Variants in CDH18 observed in about 807,000 individuals in gnomAD.
CDH18 encodes the protein cadherin-18.
CDH18 carries 31 observed loss-of-function variants against 67.9 expected under a neutral mutation model. That is an observed-to-expected ratio of 0.46 (90% confidence interval 0.34 to 0.62). The LOEUF (loss-of-function observed/expected upper bound fraction) is 0.62. CDH18 is among the 20% of genes least tolerant of loss of function. The pLI, the probability that CDH18 is intolerant of heterozygous loss-of-function variation, is 0.01. For missense variants in CDH18, 890 were observed against 975.5 expected (o/e 0.91, Z 1.17); for synonymous variants, 362 against 347.2 (o/e 1.04, Z -0.48).
intron 9 of CDH18, among the ~76,000 whole-genome samples, chr5:19,538,511 A>G (rs1488335912): frequency 6.6e-6 from 1 of 152,128 alleles, no homozygotes; most frequent in African/African-American, 2.4e-5. Flanking sequence ...CGCACTCATA[A>G]TGTCATCTTT....
At chr5:20,121,140 C>T (rs541351882) in intron 2 of CDH18, among the ~76,000 whole-genome samples, 1 of 152,116 alleles carries the variant, frequency 6.6e-6, no homozygotes, top group Non-Finnish European at 1.5e-5. Context: ...GTGCAAAGCG[C>T]ACAGTGTATA....
At chr5:19,879,279 A>T (rs1787362985) in intron 2 of CDH18, among the ~76,000 whole-genome samples, 1 of 151,988 alleles carries the variant, frequency 6.6e-6, no homozygotes. Context: ...AAGGTAAATA[A>T]CAAGACTTGT....
chr5:19,761,850 G>T (rs1377908930), intron 3 of CDH18, among the ~76,000 whole-genome samples: 1 of 152,052 alleles, frequency 6.6e-6, no homozygotes, highest in Non-Finnish European at 1.5e-5. Flanking sequence ...TATACTACAA[G>T]GCTACAGTAA....
intron 2 of CDH18, among the ~76,000 whole-genome samples, chr5:20,198,995 A>G (rs1404811278): frequency 6.6e-6 from 1 of 152,248 alleles, no homozygotes; most frequent in Non-Finnish European, 1.5e-5. Context: ...AGGATGCAGG[A>G]AAACACCTGG....
Position 20,449,005 on chromosome 5 carries a change from A to G in CDH18, c.-580+126457T>C, listed in dbSNP as rs542553755. ...TCCTGTTGCATGAATATATATATAT[A>G]TATATCCGATACAGAAAGAAATCAT... On this transcript the variant is annotated intron_variant, in intron 1 of 14. Transcript: ENST00000507958. Among the ~76,000 whole-genome samples the G allele has an allele frequency of 1.4e-4, 22 of 152,090 alleles. No individual in the cohort carries two copies. The East Asian group carries it at 4.1e-3, about 28-fold the overall frequency.
At chr5:20,571,389 T>C (rs536378893) in intron 1 of CDH18, among the ~76,000 whole-genome samples, 1 of 152,218 alleles carries the variant, frequency 6.6e-6, no homozygotes, top group South Asian at 2.1e-4. Flanking sequence ...GACAGTAAAG[T>C]CCTTAACATA....
At chr5:19,488,361 T>C (rs1740740211) in intron 11 of CDH18, among the ~76,000 whole-genome samples, 1 of 152,210 alleles carries the variant, frequency 6.6e-6, no homozygotes, top group Non-Finnish European at 1.5e-5. Flanking sequence ...AAAGATATAT[T>C]TTATTTCAAG....
chr5:20,122,540 T>C (rs1046824603), intron 2 of CDH18, among the ~76,000 whole-genome samples: 1 of 152,138 alleles, frequency 6.6e-6, no homozygotes, highest in African/African-American at 2.4e-5. Flanking sequence ...TTGATAACTA[T>C]AGTATCTTGA....
intron 12 of CDH18, among the ~76,000 whole-genome samples, chr5:19,482,468 C>T (rs1739616141): frequency 6.6e-6 from 1 of 151,990 alleles, no homozygotes; most frequent in African/African-American, 2.4e-5. Context: ...ATTTAATATC[C>T]CTCTAAGACC....
intron 1 of CDH18, among the ~76,000 whole-genome samples, chr5:20,474,670 A>G (rs986732259): frequency 7.9e-5 from 12 of 152,258 alleles, no homozygotes; most frequent in Admixed American, 2.0e-4. Flanking sequence ...TTAATTCACA[A>G]GATGAGAAAG....
intron 1 of CDH18, among the ~76,000 whole-genome samples, chr5:20,489,063 C>A (rs1753411918): frequency 6.6e-6 from 1 of 151,974 alleles, no homozygotes; most frequent in African/African-American, 2.4e-5. Context: ...ATCAACATAA[C>A]CCTCAAAAAT....
At chr5:19,569,566 T>A (rs1741006778) in intron 8 of CDH18, among the ~76,000 whole-genome samples, 1 of 152,146 alleles carries the variant, frequency 6.6e-6, no homozygotes, top group Non-Finnish European at 1.5e-5. Flanking sequence ...TGTGTGTATG[T>A]GTGTCTATGT....
rs370097260 is a variant in CDH18 at position 20,224,507 on chromosome 5, G to A, written c.-518+30937C>T. Among the ~76,000 whole-genome samples, 89 of 136,944 alleles carry A rather than the reference G, an allele frequency of 6.5e-4. No individual in the cohort carries two copies. The South Asian group carries it at 0.019, about 29-fold the overall frequency. 89.8% of individuals were successfully genotyped at this position (136,944 alleles called of 152,430 possible). On this transcript the variant is annotated intron_variant, in intron 2 of 14. Transcript: ENST00000507958. ...ATGAGACAGCTTGGATTTTCGCCAG[G>A]CAAAATCCTTAGGTTTTTTTTTTCT...
At chr5:19,961,166 G>C (rs1174383252) in intron 2 of CDH18, among the ~76,000 whole-genome samples, 2 of 146,722 alleles carry the variant, frequency 1.4e-5, no homozygotes, top group Non-Finnish European at 3.0e-5. Context: ...GCAGTGGCGC[G>C]ATCTAGGCTC....
chr5:20,162,130 T>TA (rs1735934232), intron 2 of CDH18, among the ~76,000 whole-genome samples: 2 of 152,124 alleles, frequency 1.3e-5, no homozygotes, highest in South Asian at 4.1e-4. Context: ...CAGAAATACA[T>TA]AAAAAACAAA....
intron 8 of CDH18, among the ~76,000 whole-genome samples, chr5:19,562,327 G>T (rs933089729): frequency 6.6e-5 from 10 of 151,890 alleles, no homozygotes. Context: ...TTGCCAAAAG[G>T]CCTTATCATT....
intron 1 of CDH18, among the ~76,000 whole-genome samples, chr5:20,530,385 A>G (rs115951009): frequency 0.021 from 3,139 of 152,110 alleles, 63 homozygotes; most frequent in African/African-American, 0.042. Flanking sequence ...AAAAAAACCT[A>G]TTTTAAAATT....
intron 2 of CDH18, among the ~76,000 whole-genome samples, chr5:20,031,339 A>T (rs575392073): frequency 4.5e-4 from 69 of 152,254 alleles, no homozygotes; most frequent in Non-Finnish European, 6.5e-4. Flanking sequence ...TTTGTGAATT[A>T]ATGAATTTTA....
At chr5:19,749,321 T>C (rs115538506) in intron 3 of CDH18, among the ~76,000 whole-genome samples, 4 of 151,458 alleles carry the variant, frequency 2.6e-5, no homozygotes, top group African/African-American at 4.8e-5. Flanking sequence ...ATTATGTTGT[T>C]ATATTATATA....
Sources: allele counts gnomAD v4.1 joint callset (sites outside exome capture counted in the v4.1 genomes callset), GRCh38; gene constraint gnomAD v4.1.1; transcripts MANE v1.5; gene names NCBI Gene and HGNC (gene_info 2026-07-23, HGNC 2026-07-21).